The following TBC1D12 variants were observed in gnomAD, a reference collection of about 807,000 sequenced individuals.
TBC1D12 encodes TBC1 domain family member 12, also known as TBC1 domain family, member 12.
A neutral mutation model predicts 86.7 loss-of-function variants in TBC1D12; 56 were observed. The ratio of observed to expected loss-of-function variants is 0.65; its 90% confidence interval spans 0.52 to 0.81. The LOEUF (loss-of-function observed/expected upper bound fraction) is 0.81. Ranked by LOEUF, TBC1D12 falls within the 30% of genes least tolerant of loss-of-function variation. The pLI is 0.00. For synonymous variants in TBC1D12, 421 were observed against 411.7 expected, an observed-to-expected ratio of 1.02 and a Z score of -0.27; for missense variants, 1,023 against 1,038.8, an observed-to-expected ratio of 0.98 and a Z score of 0.21.
intron 10 of TBC1D12, 80 bp downstream of exon 10, chr10:94,522,163 A>T (rs1168936618): frequency 4.2e-5 from 63 of 1,486,858 alleles, no homozygotes; most frequent in Non-Finnish European, 5.5e-5. Flanking sequence ...AGAAGGCCAA[A>T]ACAATCTAAT....
intron 1 of TBC1D12, among the ~76,000 whole-genome samples, chr10:94,424,921 A>G (rs544350415): frequency 1.3e-5 from 2 of 152,320 alleles, no homozygotes; most frequent in Admixed American, 6.5e-5. Flanking sequence ...GGGGCCAGGT[A>G]AGTAGGTTGT....
intron 1 of TBC1D12, among the ~76,000 whole-genome samples, chr10:94,410,024 G>C (rs1441699122): frequency 6.6e-6 from 1 of 152,178 alleles, no homozygotes; most frequent in Non-Finnish European, 1.5e-5. Context: ...TATTTGGGGA[G>C]TGGTTGTGTT....
intron 1 of TBC1D12, among the ~76,000 whole-genome samples, chr10:94,405,317 T>C (rs1340941110): frequency 1.3e-5 from 2 of 152,202 alleles, no homozygotes; most frequent in East Asian, 3.8e-4. Flanking sequence ...CACAATTTTC[T>C]GATTATAATT....
At chr10:94,458,063 G>A (rs1334651898) in intron 2 of TBC1D12, among the ~76,000 whole-genome samples, 2 of 152,066 alleles carry the variant, frequency 1.3e-5, no homozygotes, top group Admixed American at 6.5e-5. Flanking sequence ...CTGTTGCTAT[G>A]GTTTGATTGT....
intron 1 of TBC1D12, among the ~76,000 whole-genome samples, chr10:94,434,816 A>G (rs529381974): frequency 3.4e-4 from 52 of 152,310 alleles, no homozygotes; most frequent in African/African-American, 1.2e-3. Context: ...CTGAGGCAAG[A>G]GGACTGTTTG....
intron 9 of TBC1D12, 28 bp downstream of exon 9, chr10:94,511,682 G>T (rs769800888): frequency 6.7e-7 from 1 of 1,494,210 alleles, no homozygotes; most frequent in South Asian, 1.1e-5. Context: ...TCTGTTTTTT[G>T]AATATAAGCA....
intron 1 of TBC1D12, among the ~76,000 whole-genome samples, chr10:94,429,208 T>C (rs2055184821): frequency 6.6e-6 from 1 of 152,244 alleles, no homozygotes; most frequent in South Asian, 2.1e-4. Context: ...GAGTGGGTGA[T>C]GTTGAATTTC....
At chr10:94,478,429 C>A (rs569883491) in intron 3 of TBC1D12, among the ~76,000 whole-genome samples, 1 of 152,146 alleles carries the variant, frequency 6.6e-6, no homozygotes, top group East Asian at 1.9e-4. Flanking sequence ...GAAATGTAGG[C>A]CAGGCGTGGT....
chr10:94,514,602 C>A lies in TBC1D12; in HGVS notation c.1761+2948C>A, dbSNP rs570278972. Among the ~76,000 whole-genome samples, 5 of 152,292 alleles carry A rather than the reference C, an allele frequency of 3.3e-5. No individual in the cohort carries two copies. In the South Asian group the frequency reaches 8.3e-4, roughly 25 times the overall value. On this transcript the variant is annotated intron_variant, in intron 9 of 12. Transcript: ENST00000225235. ...GTTTTCCCAAACGACATAATTTCTT[C>A]CTTTGTTAAGGCTGAACAGTATTCT...
intron 2 of TBC1D12, among the ~76,000 whole-genome samples, chr10:94,442,294 A>T (rs2134091421): frequency 6.6e-6 from 1 of 152,160 alleles, no homozygotes; most frequent in African/African-American, 2.4e-5. Context: ...TAGATTTTTT[A>T]AAAACTTAGC....
Position 94,536,207 on chromosome 10 carries a change from A to G in TBC1D12, c.*3111A>G, listed in dbSNP as rs1399271582. 6.6e-6 allele frequency among the ~76,000 whole-genome samples: 1 copy of G among 152,052 alleles called. No individual in the cohort carries two copies. Among genetic ancestry groups the G allele is most frequent in the Admixed American group, 6.6e-5 (1 of 15,266 alleles). On this transcript the variant is annotated 3_prime_UTR_variant, in exon 13 of 13. Coordinates refer to ENST00000225235, the MANE Select transcript of TBC1D12 (RefSeq NM_015188.2). ...ACAGTATATTTTCAATTAAAAAAAAACTTTTCCTAAAATACTCAAAATAAT... is the reference window on the plus strand; with the variant it reads ...ACAGTATATTTTCAATTAAAAAAAAGCTTTTCCTAAAATACTCAAAATAAT...
chr10:94,460,573 T>G (rs1312998197), intron 2 of TBC1D12, among the ~76,000 whole-genome samples: 1 of 151,844 alleles, frequency 6.6e-6, no homozygotes, highest in Non-Finnish European at 1.5e-5. Context: ...AGAAGTAGTT[T>G]TTTTTTTTTT....
At chr10:94,530,854 C>CTTTTTT (rs71031584) in intron 11 of TBC1D12, among the ~76,000 whole-genome samples, 8 of 102,720 alleles carry the variant, frequency 7.8e-5, no homozygotes, top group East Asian at 3.9e-4. Context: ...GGGAGGAAGC[C>CTTTTTT]TTTTTTTTTT....
chr10:94,522,136 A>G, intron 10 of TBC1D12, 53 bp downstream of exon 10: 1 of 1,565,292 alleles, frequency 6.4e-7, no homozygotes, highest in Non-Finnish European at 8.7e-7. Context: ...GCCCTCTTAG[A>G]GTGAAAAACA....
At chr10:94,406,233 T>G (rs866529775) in intron 1 of TBC1D12, among the ~76,000 whole-genome samples, 26 of 152,246 alleles carry the variant, frequency 1.7e-4, no homozygotes, top group Admixed American at 1.7e-3. Context: ...TTTTTTTTAC[T>G]TATAGACTAA....
At chr10:94,487,326 T>C (rs1339801947) in intron 3 of TBC1D12, among the ~76,000 whole-genome samples, 1 of 151,696 alleles carries the variant, frequency 6.6e-6, no homozygotes, top group Non-Finnish European at 1.5e-5. Flanking sequence ...GTGTTATTGG[T>C]AAGTAAGAAC....
chr10:94,415,563 C>T lies in TBC1D12; in HGVS notation c.971+11979C>T, dbSNP rs190320777. 1.0e-3 allele frequency among the ~76,000 whole-genome samples: 156 copies of T among 152,240 alleles called. 2 individuals are homozygous for T. The highest frequency in any genetic ancestry group is 4.0e-3 in the Admixed American group (61 of 15,296). Reference sequence around the variant, plus strand: ...CCTGGCTAACACGGTGAAACCCCGTCTCTAGTAAAAATACAAAAAAACTAG... The same window carrying T: ...CCTGGCTAACACGGTGAAACCCCGTTTCTAGTAAAAATACAAAAAAACTAG... On this transcript the variant is annotated intron_variant, in intron 1 of 12. Coordinates refer to ENST00000225235, the MANE Select transcript of TBC1D12 (RefSeq NM_015188.2).
At chr10:94,483,245 T>G (rs948947241) in intron 3 of TBC1D12, among the ~76,000 whole-genome samples, 1 of 152,160 alleles carries the variant, frequency 6.6e-6, no homozygotes. Flanking sequence ...ATTTCTTTGA[T>G]GTTCTGATTG....
chr10:94,404,321 T>C (rs939172426), intron 1 of TBC1D12, among the ~76,000 whole-genome samples: 3 of 152,192 alleles, frequency 2.0e-5, no homozygotes, highest in African/African-American at 7.2e-5. Context: ...AAAAATGGTA[T>C]TGTATTTGTG....
Sources: allele counts gnomAD v4.1 joint callset (sites outside exome capture counted in the v4.1 genomes callset), GRCh38; gene constraint gnomAD v4.1.1; transcripts MANE v1.5; gene names NCBI Gene and HGNC (gene_info 2026-07-23, HGNC 2026-07-21).